Variants in SLITRK6 observed in about 807,000 individuals in gnomAD.
SLITRK6 encodes SLIT and NTRK like family member 6.
SLITRK6 carries 35 observed loss-of-function variants against 55.6 expected under a neutral mutation model. The observed-to-expected ratio is 0.63, with a 90% CI of 0.48 to 0.83. SLITRK6 has a LOEUF of 0.83. Among genes scored for constraint, SLITRK6 ranks in the 40% least tolerant of loss-of-function variants. SLITRK6 has a pLI of 0.00. For missense variants in SLITRK6, 977 were observed against 986.4 expected, an observed-to-expected ratio of 0.99 and a Z score of 0.13; for synonymous variants, 392 against 359.6, an observed-to-expected ratio of 1.09 and a Z score of -1.02.
rs1490799197 is a variant in SLITRK6 at position 85,796,570 on chromosome 13, G to A, written c.-24-38C>T. On this transcript the variant is annotated intron_variant, in intron 1 of 1. Coordinates refer to ENST00000647374, the MANE Select transcript of SLITRK6 (RefSeq NM_032229.3). The stretch of plus-strand genomic sequence containing the variant: ...ACGCAATAGCAAGGGACTTTAGTGG[G>A]CAGAACTGGGGAGGAGATGAAGCTG... 3 of 1,449,672 alleles carry A rather than the reference G, an allele frequency of 2.1e-6. No individual in the cohort carries two copies. In the East Asian group the frequency reaches 7.2e-5, roughly 35 times the overall value. The allele number at this position is 1,449,672 out of a possible 1,614,324, so 89.8% of individuals were successfully genotyped here.
rs943490697 is a variant in SLITRK6 at position 85,792,915 on chromosome 13, A to G, written c.*1068T>C. On this transcript the variant is annotated 3_prime_UTR_variant, in exon 2 of 2. Transcript: ENST00000647374. ...AGAATAAATATTTCATAGAAATCTA[A>G]CTATGCCTTCTTGTAAAATAAAGCT... The G allele has an allele frequency of 1.3e-5, 2 of 152,378 alleles. No individual in the cohort carries two copies. The highest frequency in any genetic ancestry group is 2.9e-5 in the Non-Finnish European group (2 of 67,818). The allele number at this position is 152,378 out of a possible 1,614,324, so 9.4% of individuals were successfully genotyped here.
Position 85,794,186 on chromosome 13 carries a change from G to A in SLITRK6, c.2323C>T (p.Leu775=). The A allele has an allele frequency of 6.2e-7, 1 of 1,612,658 alleles. No individual in the cohort carries two copies. Among genetic ancestry groups the A allele is most frequent in the African/African-American group, 1.3e-5 (1 of 74,828 alleles). The change falls in exon 2 of 2, where the codon CTA becomes TTA. Residue 775 remains leucine (L), a synonymous_variant. Coordinates refer to ENST00000647374, the MANE Select transcript of SLITRK6 (RefSeq NM_032229.3). The stretch of plus-strand genomic sequence containing the variant: ...TGGAGCTGAGCAATGTTTTTCCTTA[G>A]GTATTCTGTGATTCCCAGTTGCTGA... The part of the protein sequence containing the change: ...ELQQLGITEY[L]RKNIAQLQPD...
At chr13:85,796,918 T>G (rs549651018) in intron 1 of SLITRK6, among the ~76,000 whole-genome samples, 1 of 151,940 alleles carries the variant, frequency 6.6e-6, no homozygotes, top group South Asian at 2.1e-4. Context: ...TTTAACCTTA[T>G]GGTCATACAT....
In SLITRK6 at chr13:85,793,939, A is replaced by G; in HGVS notation, c.*44T>C. ...CACTTATTTACAAGGTATGGACTTA[A>G]AACAGAATCACAGCATTTCTGCGAA... On this transcript the variant is annotated 3_prime_UTR_variant, in exon 2 of 2. Coordinates refer to ENST00000647374, the MANE Select transcript of SLITRK6 (RefSeq NM_032229.3). The G allele has an allele frequency of 6.5e-7, 1 of 1,547,800 alleles. No individual in the cohort carries two copies. The highest frequency in any genetic ancestry group is 8.7e-7 in the Non-Finnish European group (1 of 1,150,226).
In SLITRK6 at chr13:85,794,423, C is replaced by T; in HGVS notation, c.2086G>A (p.Gly696Ser). 2 of 1,613,170 alleles carry T rather than the reference C, an allele frequency of 1.2e-6. No homozygotes were observed. The highest frequency in any genetic ancestry group is 1.7e-6 in the Non-Finnish European group (2 of 1,179,540). ...MVHVYRSPSF[G>S]PKHLEEEEER... ...TCTTCCTCTTCCAGATGCTTTGGACCAAAGGATGGACTTCTATAGACATGA... is the reference window on the plus strand; with the variant it reads ...TCTTCCTCTTCCAGATGCTTTGGACTAAAGGATGGACTTCTATAGACATGA... The change falls in exon 2 of 2, where the codon GGT (glycine) becomes AGT (serine). Residue 696 changes from glycine (G) to serine (S), a missense_variant. Coordinates refer to ENST00000647374, the MANE Select transcript of SLITRK6 (RefSeq NM_032229.3).
At position 85,794,504 on chromosome 13, in the gene SLITRK6, T is replaced by C. The variant is rs1473652786; in HGVS notation, c.2005A>G (p.Thr669Ala). 4.3e-6 allele frequency: 7 copies of C among 1,613,268 alleles called. No individual in the cohort carries two copies. The highest frequency in any genetic ancestry group is 4.2e-6 in the Non-Finnish European group (5 of 1,179,560). ...SMYGHKTTHHTTERPSASLYE... is the reference protein window; with the variant it reads ...SMYGHKTTHHATERPSASLYE... ...AGTGAGGCAGAGGGTCTTTCAGTAGTGTGATGAGTGGTTTTATGGCCATAC... is the reference window on the plus strand; with the variant it reads ...AGTGAGGCAGAGGGTCTTTCAGTAGCGTGATGAGTGGTTTTATGGCCATAC... The change falls in exon 2 of 2, where the codon ACT becomes GCT. Residue 669 changes from threonine (T) to alanine (A), a missense_variant. Physicochemically the swap from Thr to Ala is moderately conservative, Grantham distance 58. Transcript: ENST00000647374.
In SLITRK6 at chr13:85,794,760, C is replaced by T. The variant is rs1316761418; in HGVS notation, c.1749G>A (p.Met583Ile). The change falls in exon 2 of 2, where the codon ATG (methionine) becomes ATA (isoleucine). Residue 583 changes from methionine to isoleucine, a missense_variant. Met to Ile is a conservative substitution (Grantham distance 10, BLOSUM62 1). Transcript: ENST00000647374. ...PSMPTQTSYL[M>I]VTTPATTTNT... The stretch of plus-strand genomic sequence containing the variant: ...TTGTTGTTGTTGCAGGAGTGGTGAC[C>T]ATAAGGTAACTAGTCTGTGTTGGCA... The T allele has an allele frequency of 6.2e-7, 1 of 1,613,172 alleles. No individual in the cohort carries two copies. The highest frequency in any genetic ancestry group is 1.7e-5 in the Admixed American group (1 of 59,830).
In SLITRK6 at chr13:85,793,902, A is replaced by G; in HGVS notation, c.*81T>C. Reference sequence around the variant, plus strand: ...GTGCTTAGGTTCTGATTGATGACACACTCACGTAAGGCACTTATTTACAAG... The same window carrying G: ...GTGCTTAGGTTCTGATTGATGACACGCTCACGTAAGGCACTTATTTACAAG... On this transcript the variant is annotated 3_prime_UTR_variant, in exon 2 of 2. Coordinates refer to ENST00000647374, the MANE Select transcript of SLITRK6 (RefSeq NM_032229.3). The G allele has an allele frequency of 6.8e-7, 1 of 1,462,292 alleles. No individual in the cohort carries two copies. The highest frequency in any genetic ancestry group is 2.4e-5 in the Admixed American group (1 of 41,228). The allele number at this position is 1,462,292 out of a possible 1,614,324, so 90.6% of individuals were successfully genotyped here. A position where few individuals can be genotyped will look rare whatever the true frequency, so the allele number is the denominator to read the frequency against.
rs1476565053 is a variant in SLITRK6, at chr13:85,794,455, G to A, written c.2054C>T (p.Pro685Leu). The A allele has an allele frequency of 1.2e-6, 2 of 1,613,214 alleles. No individual in the cohort carries two copies. Among genetic ancestry groups the A allele is most frequent in the South Asian group, 1.1e-5 (1 of 91,072 alleles). Residue 685 changes from proline (P) to leucine (L), a missense_variant, in exon 2 of 2, where the codon CCC becomes CTC. Physicochemically the swap from Pro to Leu is moderately conservative, Grantham distance 98. Transcript: ENST00000647374. Reference protein sequence around the residue: ...ASLYEQHMVSPMVHVYRSPSF... With the variant: ...ASLYEQHMVSLMVHVYRSPSF... ...TGGACTTCTATAGACATGAACCATG[G>A]GGCTCACCATGTGCTGTTCATAGAG...
In SLITRK6 at chr13:85,793,291, G is replaced by A. The variant is rs1874599838; in HGVS notation, c.*692C>T. 1 of 151,986 alleles carries A rather than the reference G, an allele frequency of 6.6e-6. No individual in the cohort carries two copies. Among genetic ancestry groups the A allele is most frequent in the African/African-American group, 2.4e-5 (1 of 41,388 alleles). The allele number at this position is 151,986 out of a possible 1,614,324, so 9.4% of individuals were successfully genotyped here. A position where few individuals can be genotyped will look rare whatever the true frequency, so the allele number is the denominator to read the frequency against. Reference sequence around the variant, plus strand: ...CATTAAAATTGTCTACACAAAATGTGTAGAAAACCCAAAAAGTATGCTTAT... The same window carrying A: ...CATTAAAATTGTCTACACAAAATGTATAGAAAACCCAAAAAGTATGCTTAT... On this transcript the variant is annotated 3_prime_UTR_variant, in exon 2 of 2. Coordinates refer to ENST00000647374, the MANE Select transcript of SLITRK6 (RefSeq NM_032229.3).
chr13:85,795,281 G>A lies in SLITRK6; in HGVS notation c.1228C>T (p.Leu410=), dbSNP rs745497868. 3.1e-6 allele frequency: 5 copies of A among 1,612,544 alleles called. No individual in the cohort carries two copies. Among genetic ancestry groups the A allele is most frequent in the Non-Finnish European group, 8.5e-7 (1 of 1,179,334 alleles). ...AGATAGAGTTTTTGTAATCTCGTTA[G>A]GTTCATAAACGATCCTTCTTCAAGA... is the stretch of plus-strand genomic sequence containing the variant. ...EVLEEGSFMN[L]TRLQKLYLNG... Residue 410 remains leucine (L), a synonymous_variant, in exon 2 of 2, where the codon CTA becomes TTA. Coordinates refer to ENST00000647374, the MANE Select transcript of SLITRK6 (RefSeq NM_032229.3).
At position 85,794,420 on chromosome 13, in the gene SLITRK6, G is replaced by C. The variant is rs1052111518; in HGVS notation, c.2089C>G (p.Pro697Ala). 2 of 1,612,990 alleles carry C rather than the reference G, an allele frequency of 1.2e-6. No homozygotes were observed. The highest frequency in any genetic ancestry group is 1.7e-6 in the Non-Finnish European group (2 of 1,179,534). Residue 697 changes from proline (P) to alanine (A), a missense_variant, in exon 2 of 2, where the codon CCA (proline) becomes GCA (alanine). Coordinates refer to ENST00000647374, the MANE Select transcript of SLITRK6 (RefSeq NM_032229.3). ...TCTTCTTCCTCTTCCAGATGCTTTG[G>C]ACCAAAGGATGGACTTCTATAGACA... ...VHVYRSPSFG[P>A]KHLEEEEERN...
chr13:85,796,061 CTG>C lies in SLITRK6; in HGVS notation c.446_447del (p.Thr149SerfsTer3). On this transcript the variant is annotated frameshift_variant, in exon 2 of 2. Transcript: ENST00000647374. LOFTEE classifies it high-confidence loss of function. ...TTGCTAAAGGCACTTGGTTCAATCA[CTG>C]TGATAAAATTGTTATCTGCTTGCAG... ...EFLQADNNFI[T>X]VIEPSAFSKL... The C allele has an allele frequency of 4.3e-6, 7 of 1,613,064 alleles. No individual in the cohort carries two copies. The highest frequency in any genetic ancestry group is 1.7e-5 in the Admixed American group (1 of 59,830).
chr13:85,794,404 T>A lies in SLITRK6; in HGVS notation c.2105A>T (p.Glu702Val), dbSNP rs776964548. The change falls in exon 2 of 2, where the codon GAG (glutamate) becomes GTG (valine). Residue 702 changes from glutamate (E) to valine (V), a missense_variant. Physicochemically the swap from Glu to Val is moderately radical, Grantham distance 121. Coordinates refer to ENST00000647374, the MANE Select transcript of SLITRK6 (RefSeq NM_032229.3). ...TTCTTTCTCATTCCTCTCTTCTTCC[T>A]CTTCCAGATGCTTTGGACCAAAGGA... Reference protein sequence around the residue: ...SPSFGPKHLEEEEERNEKEGS... With the variant: ...SPSFGPKHLEVEEERNEKEGS... The A allele has an allele frequency of 2.5e-6, 4 of 1,613,320 alleles. No homozygotes were observed. Among genetic ancestry groups the A allele is most frequent in the Non-Finnish European group, 3.4e-6 (4 of 1,179,568 alleles).
chr13:85,794,007 T>G lies in SLITRK6; in HGVS notation c.2502A>C (p.Leu834Phe). The G allele has an allele frequency of 6.2e-7, 1 of 1,605,902 alleles. No individual in the cohort carries two copies. Among genetic ancestry groups the G allele is most frequent in the Non-Finnish European group, 8.5e-7 (1 of 1,176,384 alleles). Residue 834 changes from leucine to phenylalanine, a missense_variant, in exon 2 of 2, where the codon TTA becomes TTC. Physicochemically the swap from Leu to Phe is conservative, Grantham distance 22. Coordinates refer to ENST00000647374, the MANE Select transcript of SLITRK6 (RefSeq NM_032229.3). ...TCTATGTTTGCTGCTCCAGGACTTCTAAATAGTCAGGTTCAGCATGTAAAT... is the reference window on the plus strand; with the variant it reads ...TCTATGTTTGCTGCTCCAGGACTTCGAAATAGTCAGGTTCAGCATGTAAAT... Reference protein sequence around the residue: ...KANLHAEPDYLEVLEQQT With the variant: ...KANLHAEPDYFEVLEQQT
At position 85,794,936 on chromosome 13, in the gene SLITRK6, G is replaced by T; in HGVS notation, c.1573C>A (p.Leu525Met). 2 of 1,613,060 alleles carry T rather than the reference G, an allele frequency of 1.2e-6. No homozygotes were observed. The highest frequency in any genetic ancestry group is 3.3e-5 in the Admixed American group (2 of 59,802). The change falls in exon 2 of 2, where the codon CTG (leucine) becomes ATG (methionine). Residue 525 changes from leucine (L) to methionine (M), a missense_variant. Transcript: ENST00000647374. ...EDNPWDCSCD[L>M]VGLQQWIQKL... ...TGTATCCATTGCTGCAGTCCAACCA[G>T]GTCACAGGAGCAGTCCCAGGGGTTA...
chr13:85,798,165 T>C (rs1360703771), intron 1 of SLITRK6, among the ~76,000 whole-genome samples: 2 of 151,954 alleles, frequency 1.3e-5, no homozygotes, highest in Non-Finnish European at 2.9e-5. Flanking sequence ...TGTAGGTAAA[T>C]AATTTGATTT....
rs1874667735 is a variant in SLITRK6, at chr13:85,795,101, GGTT to G, written c.1405_1407del (p.Asn469del). 1.9e-6 allele frequency: 3 copies of G among 1,612,838 alleles called. No individual in the cohort carries two copies. The highest frequency in any genetic ancestry group is 2.5e-6 in the Non-Finnish European group (3 of 1,179,378). ...ATATGTGGTGGTAAAACTTGGAGGA[GGTT>G]GTTATTTAAATACAGGACTTTAAGT... On this transcript the variant is annotated inframe_deletion, in exon 2 of 2. Transcript: ENST00000647374.
rs1874655511 is a variant in SLITRK6, at chr13:85,794,832, G to A, written c.1677C>T (p.Ala559=). ...CTGGACAGAGAATTTCACTATTTAG[G>A]GCTTTCAATTCCTTTTTGTCGAGAT... ...PGHLDKKELK[A]LNSEILCPGL... is the part of the protein sequence containing the mutation. Residue 559 remains alanine (A), a synonymous_variant, in exon 2 of 2, where the codon GCC becomes GCT. Coordinates refer to ENST00000647374, the MANE Select transcript of SLITRK6 (RefSeq NM_032229.3). The A allele has an allele frequency of 6.2e-7, 1 of 1,612,976 alleles. No individual in the cohort carries two copies. Among genetic ancestry groups the A allele is most frequent in the Non-Finnish European group, 8.5e-7 (1 of 1,179,500 alleles).
Sources: gnomAD v4.1 joint callset for allele counts (sites outside exome capture counted in the v4.1 genomes callset) on GRCh38, gnomAD v4.1.1 for gene constraint, MANE v1.5 for transcripts, NCBI Gene and HGNC (gene_info 2026-07-23, HGNC 2026-07-21) for gene names.